The following R3HDM2 variants were observed in gnomAD, a reference collection of about 807,000 sequenced individuals.
R3HDM2 encodes R3H domain-containing protein 2.
Under a neutral mutation model 124.5 loss-of-function variants are expected in R3HDM2, and 38 were observed. The observed-to-expected ratio is 0.31, with a 90% CI of 0.24 to 0.40. The LOEUF is 0.40. Ranked by LOEUF, R3HDM2 falls within the 10% of genes least tolerant of loss-of-function variation. R3HDM2 has a pLI of 1.00. For missense variants in R3HDM2, 869 were observed against 1,236.9 expected (o/e 0.70, Z 4.46); for synonymous variants, 391 against 448.0 (o/e 0.87, Z 1.61).
intron 2 of R3HDM2, among the ~76,000 whole-genome samples, chr12:57,334,919 C>A (rs888135075): frequency 1.3e-5 from 2 of 151,484 alleles, no homozygotes; most frequent in Non-Finnish European, 2.9e-5. Context: ...AGGAGTGTCA[C>A]CTGAGGCTAG....
At chr12:57,408,946 C>T (rs1427147491) in intron 1 of R3HDM2, among the ~76,000 whole-genome samples, 1 of 151,570 alleles carries the variant, frequency 6.6e-6, no homozygotes, top group South Asian at 2.1e-4. Context: ...TTCCACGATG[C>T]CTTTCTATAT....
chr12:57,421,612 TCCTCCCACCTCAG>T (rs1359986990), intron 1 of R3HDM2, among the ~76,000 whole-genome samples: 38 of 152,020 alleles, frequency 2.5e-4, no homozygotes, highest in Non-Finnish European at 1.0e-4. Flanking sequence ...GTTTAGGTAA[TCCTCCCACCTCAG>T]CCTCCCAAAT....
chr12:57,324,030 T>C (rs1408360640), intron 2 of R3HDM2, among the ~76,000 whole-genome samples: 3 of 150,552 alleles, frequency 2.0e-5, no homozygotes, highest in East Asian at 1.9e-4. Flanking sequence ...AGAGAAGATA[T>C]CTGGAAAAGG....
intron 2 of R3HDM2, among the ~76,000 whole-genome samples, chr12:57,313,207 A>G (rs2054283216): frequency 6.6e-6 from 1 of 152,142 alleles, no homozygotes; most frequent in Non-Finnish European, 1.5e-5. Context: ...AGTCTGAAGT[A>G]CTAGTAAAAC....
intron 4 of R3HDM2, among the ~76,000 whole-genome samples, chr12:57,302,483 TG>T (rs2138770764): frequency 6.6e-6 from 1 of 151,074 alleles, no homozygotes; most frequent in Non-Finnish European, 1.5e-5. Context: ...CTGACCAACA[TG>T]GTGAAACCTC....
chr12:57,381,764 T>C (rs2064915036), intron 2 of R3HDM2, among the ~76,000 whole-genome samples: 2 of 151,926 alleles, frequency 1.3e-5, no homozygotes, highest in African/African-American at 4.8e-5. Context: ...AGGCTGAGAA[T>C]TGCAATTTTA....
chr12:57,359,061 G>T (rs2061600491), intron 2 of R3HDM2, among the ~76,000 whole-genome samples: 1 of 151,950 alleles, frequency 6.6e-6, no homozygotes, highest in South Asian at 2.1e-4. Flanking sequence ...GGGACTACAG[G>T]CGCCCATCAC....
chr12:57,376,437 T>C (rs2064084613), intron 2 of R3HDM2, among the ~76,000 whole-genome samples: 1 of 152,174 alleles, frequency 6.6e-6, no homozygotes, highest in East Asian at 1.9e-4. Flanking sequence ...TTGTAGGATA[T>C]CCCTGAACCA....
chr12:57,277,446 T>TC (rs1400453899), intron 14 of R3HDM2, among the ~76,000 whole-genome samples: 1 of 152,030 alleles, frequency 6.6e-6, no homozygotes, highest in East Asian at 1.9e-4. Flanking sequence ...CAAAGATTTT[T>TC]TTTTTTTTTT....
intron 2 of R3HDM2, among the ~76,000 whole-genome samples, chr12:57,314,016 C>T (rs545776930): frequency 6.6e-6 from 1 of 151,206 alleles, no homozygotes; most frequent in Non-Finnish European, 1.5e-5. Flanking sequence ...TGGAGAAACC[C>T]CGTCTCTACT....
chr12:57,316,003 T>C (rs1234884983), intron 2 of R3HDM2, among the ~76,000 whole-genome samples: 1 of 152,104 alleles, frequency 6.6e-6, no homozygotes, highest in Admixed American at 6.6e-5. Flanking sequence ...CCTGTGGTCC[T>C]AGCTACTTAG....
intron 2 of R3HDM2, among the ~76,000 whole-genome samples, chr12:57,343,216 G>A (rs531364870): frequency 7.0e-6 from 1 of 142,372 alleles, no homozygotes; most frequent in East Asian, 2.0e-4. Context: ...TTGAGACGGA[G>A]TTTCACTCTT....
chr12:57,414,261 T>C (rs1790897825), intron 1 of R3HDM2, among the ~76,000 whole-genome samples: 2 of 143,796 alleles, frequency 1.4e-5, no homozygotes, highest in Admixed American at 1.4e-4. Flanking sequence ...TGAGGCGGGC[T>C]GATCACTTGA....
chr12:57,426,986 AC>A (rs2070801399), intron 1 of R3HDM2, among the ~76,000 whole-genome samples: 1 of 152,186 alleles, frequency 6.6e-6, no homozygotes, highest in Non-Finnish European at 1.5e-5. Context: ...TGCTGAGGAT[AC>A]GGAAATTAAT....
At chr12:57,351,137 C>T (rs2060635560) in intron 2 of R3HDM2, among the ~76,000 whole-genome samples, 1 of 151,952 alleles carries the variant, frequency 6.6e-6, no homozygotes, top group African/African-American at 2.4e-5. Context: ...TAGCTAGGTG[C>T]TCACCTGTGG....
chr12:57,395,483 A>G lies in R3HDM2; in HGVS notation c.-36+266T>C, dbSNP rs887562414. On this transcript the variant is annotated intron_variant, in intron 2 of 23. Coordinates refer to ENST00000402412, the MANE Select transcript of R3HDM2 (RefSeq NM_001394031.1). ...GCGCCACTGCACTCCAGCCTTGGCAAAAAGAGCAAAACTTCATCTCAAAAA... is the reference window on the plus strand; with the variant it reads ...GCGCCACTGCACTCCAGCCTTGGCAGAAAGAGCAAAACTTCATCTCAAAAA... Among the ~76,000 whole-genome samples the G allele has an allele frequency of 2.6e-5, 4 of 152,184 alleles. No individual in the cohort carries two copies. In the South Asian group the frequency reaches 6.2e-4, roughly 24 times the overall value.
chr12:57,264,007 T>C (rs148422192), intron 19 of R3HDM2, among the ~76,000 whole-genome samples: 1 of 152,220 alleles, frequency 6.6e-6, no homozygotes, highest in East Asian at 1.9e-4. Flanking sequence ...TAAGACTTCC[T>C]GCCGAGGTGG....
chr12:57,330,699 T>C (rs1441353191), intron 2 of R3HDM2, among the ~76,000 whole-genome samples: 3 of 136,038 alleles, frequency 2.2e-5, no homozygotes, highest in Admixed American at 7.4e-5. Context: ...CTTTTCTTTT[T>C]TTTTTTTTTT....
chr12:57,427,771 C>A (rs1371096383), intron 1 of R3HDM2, among the ~76,000 whole-genome samples: 2 of 151,870 alleles, frequency 1.3e-5, no homozygotes, highest in Non-Finnish European at 2.9e-5. Flanking sequence ...GCAGGAGGGG[C>A]TTTGCCATCC....
Sources: allele counts gnomAD v4.1 joint callset (sites outside exome capture counted in the v4.1 genomes callset), GRCh38; gene constraint gnomAD v4.1.1; transcripts MANE v1.5; gene names NCBI Gene and HGNC (gene_info 2026-07-23, HGNC 2026-07-21).